The following CSMD3 variants were observed in gnomAD, a reference collection of about 807,000 sequenced individuals.
The protein encoded by CSMD3 is CUB and sushi domain-containing protein 3.
A neutral mutation model predicts 435.2 loss-of-function variants in CSMD3; 177 were observed. The observed-to-expected ratio is 0.41, with a 90% confidence interval of 0.36 to 0.46. The LOEUF is 0.46. CSMD3 is among the 20% of genes least tolerant of loss of function. The pLI is 0.34. For synonymous variants in CSMD3, 1,656 were observed against 1,520.5 expected, an observed-to-expected ratio of 1.09 and a Z score of -2.07; for missense variants, 4,265 against 4,504.6, an observed-to-expected ratio of 0.95 and a Z score of 1.52.
intron 50 of CSMD3, among the ~76,000 whole-genome samples, chr8:112,309,715 A>G (rs1018979650): frequency 6.6e-6 from 1 of 152,148 alleles, no homozygotes; most frequent in Admixed American, 6.6e-5. Flanking sequence ...CATCAATACA[A>G]CAAGAAACAA....
chr8:113,151,687 C>A (rs1223327041), intron 4 of CSMD3, among the ~76,000 whole-genome samples: 1 of 151,838 alleles, frequency 6.6e-6, no homozygotes, highest in African/African-American at 2.4e-5. Context: ...AGAGTATTGA[C>A]AATAGAATCA....
chr8:113,185,029 C>G (rs1480462), intron 3 of CSMD3, among the ~76,000 whole-genome samples: 1 of 151,838 alleles, frequency 6.6e-6, no homozygotes, highest in African/African-American at 2.4e-5. Flanking sequence ...GTGGGTAGCA[C>G]GTGCTTCCCC....
At chr8:113,204,054 T>C (rs1445752016) in intron 3 of CSMD3, among the ~76,000 whole-genome samples, 1 of 152,144 alleles carries the variant, frequency 6.6e-6, no homozygotes, top group Non-Finnish European at 1.5e-5. Flanking sequence ...ACTTGCATAA[T>C]TTTCTGTCGT....
At chr8:113,255,094 G>C (rs2093368384) in intron 3 of CSMD3, among the ~76,000 whole-genome samples, 1 of 152,064 alleles carries the variant, frequency 6.6e-6, no homozygotes, top group African/African-American at 2.4e-5. Context: ...GCATTTAAAT[G>C]GAAGTACCAA....
In CSMD3 at chr8:112,387,632, A is replaced by G. The variant is rs546121566; in HGVS notation, c.5934+3032T>C. Among the ~76,000 whole-genome samples, 4 of 152,216 alleles carry G rather than the reference A, an allele frequency of 2.6e-5. No individual in the cohort carries two copies. The South Asian group carries it at 8.3e-4, about 32-fold the overall frequency. ...AAAAGCCCCAAATGCTTTACACACTATATGTTTGCTAAACGTGCTGCTAAA... is the reference window on the plus strand; with the variant it reads ...AAAAGCCCCAAATGCTTTACACACTGTATGTTTGCTAAACGTGCTGCTAAA... On this transcript the variant is annotated intron_variant, in intron 36 of 70. Transcript: ENST00000297405.
chr8:112,588,030 T>G (rs1830877033), intron 22 of CSMD3, among the ~76,000 whole-genome samples: 1 of 151,856 alleles, frequency 6.6e-6, no homozygotes, highest in Admixed American at 6.6e-5. Context: ...GTGGCAATAT[T>G]GCAAAAGAAA....
intron 13 of CSMD3, among the ~76,000 whole-genome samples, chr8:112,754,288 T>C (rs960525114): frequency 2.0e-5 from 3 of 152,136 alleles, no homozygotes; most frequent in African/African-American, 7.2e-5. Context: ...ACCTATTATA[T>C]TGGTGGAGAT....
chr8:112,618,251 G>A (rs1833804195), intron 22 of CSMD3, among the ~76,000 whole-genome samples: 1 of 151,968 alleles, frequency 6.6e-6, no homozygotes, highest in Non-Finnish European at 1.5e-5. Flanking sequence ...TTAAACAGAA[G>A]ACTTCCAATT....
intron 17 of CSMD3, among the ~76,000 whole-genome samples, chr8:112,659,906 G>T (rs1456014756): frequency 6.6e-6 from 1 of 152,064 alleles, no homozygotes; most frequent in Non-Finnish European, 1.5e-5. Flanking sequence ...ATTACTTTCT[G>T]TAGGTTAATT....
At chr8:112,789,495 A>G (rs773608047) in intron 13 of CSMD3, among the ~76,000 whole-genome samples, 5 of 152,146 alleles carry the variant, frequency 3.3e-5, no homozygotes, top group Non-Finnish European at 4.4e-5. Context: ...TTTGACTCCA[A>G]TCTAATTGTA....
chr8:113,403,797 G>T (rs2094520694), intron 1 of CSMD3, among the ~76,000 whole-genome samples: 1 of 151,412 alleles, frequency 6.6e-6, no homozygotes, highest in South Asian at 2.1e-4. Flanking sequence ...GCTAAAATTA[G>T]AAGGCCTTTT....
chr8:112,655,214 A>C (rs2131655436), intron 18 of CSMD3, among the ~76,000 whole-genome samples: 1 of 152,256 alleles, frequency 6.6e-6, no homozygotes, highest in Non-Finnish European at 1.5e-5. Context: ...AAAACTATAT[A>C]TTTCAAATGC....
chr8:113,073,673 A>G (rs1388963378), intron 5 of CSMD3, among the ~76,000 whole-genome samples: 2 of 151,894 alleles, frequency 1.3e-5, no homozygotes, highest in Non-Finnish European at 2.9e-5. Flanking sequence ...GTTAGTGGAT[A>G]AGTAGGATAC....
At chr8:113,287,663 T>C (rs559028770) in intron 2 of CSMD3, among the ~76,000 whole-genome samples, 1 of 152,130 alleles carries the variant, frequency 6.6e-6, no homozygotes, top group South Asian at 2.1e-4. Context: ...GTGAAGCACT[T>C]CCATAAGATT....
intron 13 of CSMD3, among the ~76,000 whole-genome samples, chr8:112,763,354 A>C (rs905615794): frequency 6.6e-6 from 1 of 151,340 alleles, no homozygotes; most frequent in Non-Finnish European, 1.5e-5. Context: ...GAGGCAAAGG[A>C]AATAGATTAC....
At chr8:113,220,873 A>G (rs967013882) in intron 3 of CSMD3, among the ~76,000 whole-genome samples, 2 of 151,418 alleles carry the variant, frequency 1.3e-5, no homozygotes, top group African/African-American at 4.8e-5. Context: ...CGGAACACTT[A>G]TAAGGACCAA....
intron 1 of CSMD3, among the ~76,000 whole-genome samples, chr8:113,352,164 T>C (rs1014886820): frequency 1.3e-5 from 2 of 152,114 alleles, no homozygotes; most frequent in African/African-American, 4.8e-5. Context: ...GGTAACCTTA[T>C]TTGGAATTAG....
intron 5 of CSMD3, among the ~76,000 whole-genome samples, chr8:113,093,039 ATTAT>A (rs1257641164): frequency 2.6e-5 from 4 of 152,140 alleles, no homozygotes; most frequent in Admixed American, 2.0e-4. Flanking sequence ...TGGAACAAAA[ATTAT>A]TTATACATTT....
intron 34 of CSMD3, among the ~76,000 whole-genome samples, chr8:112,407,085 G>T (rs1212186034): frequency 1.3e-5 from 2 of 151,556 alleles, no homozygotes; most frequent in Non-Finnish European, 2.9e-5. Context: ...AGAATACCAA[G>T]TTCAAAAAAT....
Sources: gnomAD v4.1 joint callset for allele counts (sites outside exome capture counted in the v4.1 genomes callset) on GRCh38, gnomAD v4.1.1 for gene constraint, MANE v1.5 for transcripts, NCBI Gene and HGNC (gene_info 2026-07-23, HGNC 2026-07-21) for gene names.